The following TNFRSF13B variants were observed in gnomAD, a reference collection of about 807,000 sequenced individuals.
The protein encoded by TNFRSF13B is tumor necrosis factor receptor superfamily member 13B.
Under a neutral mutation model 24.0 loss-of-function variants are expected in TNFRSF13B, and 34 were observed. The observed-to-expected ratio is 1.41, with a 90% confidence interval of 1.08 to 1.88. The LOEUF is 1.88. Among genes scored for constraint, TNFRSF13B ranks in the 40% most tolerant of loss-of-function variants. TNFRSF13B has a pLI of 0.00. For synonymous variants in TNFRSF13B, 173 were observed against 150.3 expected, an observed-to-expected ratio of 1.15 and a Z score of -1.10; for missense variants, 415 against 380.8, an observed-to-expected ratio of 1.09 and a Z score of -0.75.
intron 1 of TNFRSF13B, among the ~76,000 whole-genome samples, chr17:16,965,845 C>G (rs758446788): frequency 2.0e-5 from 3 of 152,138 alleles, no homozygotes; most frequent in Non-Finnish European, 2.9e-5. Flanking sequence ...AGAGAAGAAA[C>G]CATTTCATAA....
At chr17:16,952,243 G>T (rs1384034334) in intron 2 of TNFRSF13B, among the ~76,000 whole-genome samples, 2 of 152,228 alleles carry the variant, frequency 1.3e-5, no homozygotes, top group Non-Finnish European at 2.9e-5. Context: ...AGGAACTGAG[G>T]CAGGAAAGAA....
At chr17:16,956,488 T>G (rs2143668978) in intron 1 of TNFRSF13B, among the ~76,000 whole-genome samples, 1 of 152,322 alleles carries the variant, frequency 6.6e-6, no homozygotes, top group Non-Finnish European at 1.5e-5. Flanking sequence ...GTGTTAGGCA[T>G]GTTCAATGAG....
chr17:16,961,251 TC>T (rs1173849801), intron 1 of TNFRSF13B, among the ~76,000 whole-genome samples: 10 of 151,996 alleles, frequency 6.6e-5, no homozygotes, highest in African/African-American at 2.4e-4. Flanking sequence ...TAAGCAAACA[TC>T]CAAAAGAACT....
chr17:16,958,553 TC>T (rs2087640321), intron 1 of TNFRSF13B, among the ~76,000 whole-genome samples: 1 of 152,064 alleles, frequency 6.6e-6, no homozygotes, highest in Non-Finnish European at 1.5e-5. Flanking sequence ...TCCAATTTTT[TC>T]CTATATGATT....
Position 16,953,495 on chromosome 17 carries a change from C to T in TNFRSF13B, c.62-912G>A, listed in dbSNP as rs563890447. On this transcript the variant is annotated intron_variant, in intron 1 of 4. Transcript: ENST00000261652. Reference sequence around the variant, plus strand: ...GAAGCCTCCCTGGGGTCCCCCGACACCCAATGCCCATGCCTAGAGGGAGCT... The same window carrying T: ...GAAGCCTCCCTGGGGTCCCCCGACATCCAATGCCCATGCCTAGAGGGAGCT... Among the ~76,000 whole-genome samples the T allele has an allele frequency of 1.4e-3, 210 of 152,298 alleles. 2 individuals are homozygous for T. Among genetic ancestry groups the T allele is most frequent in the African/African-American group, 4.8e-3 (199 of 41,558 alleles).
chr17:16,970,275 C>T (rs2087734632), intron 1 of TNFRSF13B, among the ~76,000 whole-genome samples: 1 of 152,160 alleles, frequency 6.6e-6, no homozygotes, highest in Non-Finnish European at 1.5e-5. Flanking sequence ...ACCTCTCTGA[C>T]ACTAGCTGTG....
rs143099385 is a variant in TNFRSF13B, at chr17:16,952,539, C to T, written c.106G>A (p.Glu36Lys). ...WTGVAMRSCP[E>K]EQYWDPLLGT... is the part of the protein sequence containing the mutation. ...AGCAGAGGATCCCAGTACTGCTCTT[C>T]GGGGCAGGATCTCATAGCCACCCCC... The change falls in exon 2 of 5, where the codon GAA becomes AAA. Residue 36 changes from glutamate to lysine, a missense_variant. Coordinates refer to ENST00000261652, the MANE Select transcript of TNFRSF13B (RefSeq NM_012452.3). The T allele has an allele frequency of 9.3e-6, 15 of 1,614,096 alleles. No individual in the cohort carries two copies. Among genetic ancestry groups the T allele is most frequent in the South Asian group, 3.3e-5 (3 of 91,084 alleles).
chr17:16,940,043 C>T, intron 4 of TNFRSF13B: 1 of 991,490 alleles, frequency 1.0e-6, no homozygotes, highest in African/African-American at 1.6e-5. Context: ...CCCAAGGGGA[C>T]ACCTCCTCCT....
chr17:16,939,620 G>C lies in TNFRSF13B; in HGVS notation c.809C>G (p.Pro270Arg). 6.2e-7 allele frequency: 1 copy of C among 1,613,610 alleles called. No individual in the cohort carries two copies. The highest frequency in any genetic ancestry group is 1.1e-5 in the South Asian group (1 of 90,948). Reference protein sequence around the residue: ...GCHTRTTVLQPCPHIPDSGLG... With the variant: ...GCHTRTTVLQRCPHIPDSGLG... ...GCCACTGTCTGGGATGTGTGGGCAA[G>C]GCTGCAGGACTGTGGTCCTGGTGTG... The change falls in exon 5 of 5, where the codon CCT (proline) becomes CGT (arginine). Residue 270 changes from proline to arginine, a missense_variant. Pro to Arg is a moderately radical substitution (Grantham distance 103). Coordinates refer to ENST00000261652, the MANE Select transcript of TNFRSF13B (RefSeq NM_012452.3).
chr17:16,970,978 C>G (rs1032779907), intron 1 of TNFRSF13B, among the ~76,000 whole-genome samples: 1 of 152,150 alleles, frequency 6.6e-6, no homozygotes, highest in African/African-American at 2.4e-5. Flanking sequence ...TGCCCCGGGT[C>G]CATCTGGCCA....
intron 1 of TNFRSF13B, among the ~76,000 whole-genome samples, chr17:16,965,983 G>A (rs113415618): frequency 0.012 from 1,760 of 152,098 alleles, 31 homozygotes; most frequent in African/African-American, 0.041. Context: ...GGCTGGATGC[G>A]GCGGCTCATG....
At chr17:16,951,419 A>C (rs2087587853) in intron 2 of TNFRSF13B, among the ~76,000 whole-genome samples, 2 of 152,264 alleles carry the variant, frequency 1.3e-5, no homozygotes, top group South Asian at 4.1e-4. Context: ...ATGAAAAAGA[A>C]CAGCAAGCAA....
intron 1 of TNFRSF13B, 148 bp downstream of exon 1, chr17:16,971,867 G>T (rs1358237960): frequency 2.6e-6 from 2 of 783,832 alleles, no homozygotes; most frequent in Admixed American, 2.0e-5. Context: ...CTCTCCATGT[G>T]CAGGAGCTTG....
intron 1 of TNFRSF13B, among the ~76,000 whole-genome samples, chr17:16,969,749 G>T (rs1013830047): frequency 5.9e-5 from 9 of 152,196 alleles, no homozygotes; most frequent in African/African-American, 2.2e-4. Context: ...CAAGGAGGAA[G>T]AAAAGACTTT....
At chr17:16,967,239 G>A (rs533091120) in intron 1 of TNFRSF13B, among the ~76,000 whole-genome samples, 1 of 152,216 alleles carries the variant, frequency 6.6e-6, no homozygotes, top group African/African-American at 2.4e-5. Flanking sequence ...ACACTAGATT[G>A]TTCTGTAGCT....
Position 16,948,956 on chromosome 17 carries a change from C to G in TNFRSF13B, c.227G>C (p.Gly76Ala). ...CCTCAGGAGATGGTCATAGAACTTG[C>G]CTTGCTCCTTGCGGCAGCTGAGTGA... ...CRSLSCRKEQ[G>A]KFYDHLLRDC... Residue 76 changes from glycine to alanine, a missense_variant, in exon 3 of 5, where the codon GGC (glycine) becomes GCC (alanine). Transcript: ENST00000261652. 1 of 1,614,114 alleles carries G rather than the reference C, an allele frequency of 6.2e-7. No homozygotes were observed.
At chr17:16,956,952 T>G (rs1013010618) in intron 1 of TNFRSF13B, among the ~76,000 whole-genome samples, 37 of 152,232 alleles carry the variant, frequency 2.4e-4, no homozygotes, top group African/African-American at 8.2e-4. Context: ...CCGCATACAT[T>G]TGTTCAAAGC....
rs538600313 is a variant in TNFRSF13B at position 16,952,678 on chromosome 17, C to T, written c.62-95G>A. Reference sequence around the variant, plus strand: ...CAAGACGGCCTCTCCTGCCCACATTCGCACAGACAACCTTTCTGTCTGAGG... The same window carrying T: ...CAAGACGGCCTCTCCTGCCCACATTTGCACAGACAACCTTTCTGTCTGAGG... On this transcript the variant is annotated intron_variant, in intron 1 of 4. Coordinates refer to ENST00000261652, the MANE Select transcript of TNFRSF13B (RefSeq NM_012452.3). 9.2e-5 allele frequency: 144 copies of T among 1,572,376 alleles called. 1 individual carries two copies. The Admixed American group carries it at 1.9e-3, about 21-fold the overall frequency.
rs59719682 is a variant in TNFRSF13B at position 16,949,654 on chromosome 17, ATTATC to A, written c.200-676_200-672del. Among the ~76,000 whole-genome samples the A allele has an allele frequency of 8.8e-3, 1,341 of 152,136 alleles. 14 individuals are homozygous for A. The highest frequency in any genetic ancestry group is 0.042 in the East Asian group (218 of 5,170). On this transcript the variant is annotated intron_variant, in intron 2 of 4. Transcript: ENST00000261652. Reference sequence around the variant, plus strand: ...TAAAGAAACCTATTTGGAACAATCAATTATCTTATCTAAAGTCTCAGAATATTTCT... The same window carrying A: ...TAAAGAAACCTATTTGGAACAATCAATTATCTAAAGTCTCAGAATATTTCT...
Sources: allele counts gnomAD v4.1 joint callset (sites outside exome capture counted in the v4.1 genomes callset), GRCh38; gene constraint gnomAD v4.1.1; transcripts MANE v1.5; gene names NCBI Gene and HGNC (gene_info 2026-07-23, HGNC 2026-07-21).